Variants in LRRC37A2 observed in about 807,000 individuals in gnomAD.
LRRC37A2 encodes leucine-rich repeat-containing protein 37A2.
Under a neutral mutation model 68.8 loss-of-function variants are expected in LRRC37A2, and 9 were observed. The ratio of observed to expected loss-of-function variants is 0.13; its 90% confidence interval spans 0.08 to 0.23. The LOEUF is 0.23. LRRC37A2 is among the 10% of genes least tolerant of loss of function. LRRC37A2 has a pLI of 1.00. For missense variants in LRRC37A2, 168 were observed against 950.4 expected, an observed-to-expected ratio of 0.18 and a Z score of 10.82; for synonymous variants, 63 against 367.6, an observed-to-expected ratio of 0.17 and a Z score of 9.48.
the LRRC37A2 span, chr17:46,935,449 C>T: frequency 1.1e-5 from 16 of 1,401,936 alleles, no homozygotes; most frequent in Non-Finnish European, 1.8e-6. Context: ...GTGAGTGCTA[C>T]TACGAGGGGT....
At chr17:46,779,094 CACACACACA>C in the LRRC37A2 span, among the ~76,000 whole-genome samples, 4 of 148,404 alleles carry the variant, frequency 2.7e-5, no homozygotes, top group East Asian at 8.5e-4. Context: ...CACACACACA[CACACACACA>C]CCCCAGCCCA....
chr17:46,786,284 G>A, the LRRC37A2 span, among the ~76,000 whole-genome samples: 1 of 152,092 alleles, frequency 6.6e-6, no homozygotes, highest in Non-Finnish European at 1.5e-5. Context: ...GGAGAAGCGG[G>A]GGATGGAGGG....
chr17:46,728,714 T>C, the LRRC37A2 span: 2 of 456,756 alleles, frequency 4.4e-6, no homozygotes, highest in Non-Finnish European at 7.6e-6. Flanking sequence ...CTCTTTAAAT[T>C]TTTTTTTTCT....
At chr17:46,894,883 C>T in the LRRC37A2 span, among the ~76,000 whole-genome samples, 18 of 152,390 alleles carry the variant, frequency 1.2e-4, no homozygotes, top group African/African-American at 4.3e-4. Context: ...AATGGGCCTG[C>T]CCACAGCCAA....
the LRRC37A2 span, among the ~76,000 whole-genome samples, chr17:47,032,865 C>T: frequency 6.6e-6 from 1 of 152,194 alleles, no homozygotes; most frequent in Non-Finnish European, 1.5e-5. Context: ...CTTGCTTCTT[C>T]TGTTGTTCCT....
chr17:46,976,061 C>T, the LRRC37A2 span, among the ~76,000 whole-genome samples: 2 of 151,628 alleles, frequency 1.3e-5, no homozygotes, highest in East Asian at 2.0e-4. Context: ...CAAGTAGCTG[C>T]GACTACAGGT....
the LRRC37A2 span, among the ~76,000 whole-genome samples, chr17:46,962,604 C>T: frequency 6.6e-6 from 1 of 152,174 alleles, no homozygotes; most frequent in African/African-American, 2.4e-5. Context: ...TGTGGAGAAG[C>T]CACATGGAGG....
the LRRC37A2 span, among the ~76,000 whole-genome samples, chr17:46,852,067 C>T: frequency 1.3e-5 from 2 of 152,240 alleles, no homozygotes; most frequent in African/African-American, 4.8e-5. Flanking sequence ...TCTCTGATGC[C>T]CTCTCGGGAT....
At chr17:46,720,945 G>A in the LRRC37A2 span, among the ~76,000 whole-genome samples, 1 of 152,304 alleles carries the variant, frequency 6.6e-6, no homozygotes, top group South Asian at 2.1e-4. Flanking sequence ...GCTCCCATTT[G>A]CACTTGTGTA....
At chr17:46,916,162 C>T in the LRRC37A2 span, among the ~76,000 whole-genome samples, 7 of 152,220 alleles carry the variant, frequency 4.6e-5, no homozygotes, top group African/African-American at 1.4e-4. Flanking sequence ...GAAGTGGCCA[C>T]GCCTATCTTC....
chr17:46,875,044 C>T, the LRRC37A2 span: 1 of 1,613,126 alleles, frequency 6.2e-7, no homozygotes, highest in South Asian at 1.1e-5. Flanking sequence ...TCTAAGCTTC[C>T]TCCTTTCCTC....
At chr17:47,049,075 T>C in the LRRC37A2 span, 1 of 678,898 alleles carries the variant, frequency 1.5e-6, no homozygotes, top group Non-Finnish European at 2.6e-6. Flanking sequence ...TGGGTGTGTG[T>C]GTCTCCTCTC....
chr17:46,968,127 T>G, the LRRC37A2 span, among the ~76,000 whole-genome samples: 3 of 152,038 alleles, frequency 2.0e-5, no homozygotes, highest in Non-Finnish European at 4.4e-5. Flanking sequence ...CTCACTGCTG[T>G]TCCTTCTCTT....
At chr17:46,534,592 CTTCT>C (rs1179371462) in intron 6 of LRRC37A2, among the ~76,000 whole-genome samples, 2 of 148,064 alleles carry the variant, frequency 1.4e-5, no homozygotes, top group Non-Finnish European at 3.0e-5. Flanking sequence ...TCTATGTCTA[CTTCT>C]TTCTACACAG....
At chr17:46,982,604 C>G in the LRRC37A2 span, among the ~76,000 whole-genome samples, 28 of 152,230 alleles carry the variant, frequency 1.8e-4, no homozygotes, top group Non-Finnish European at 1.8e-4. Flanking sequence ...AGTTAAGCAT[C>G]AGAGCCAGAA....
chr17:46,876,840 A>G, the LRRC37A2 span: 7 of 1,434,690 alleles, frequency 4.9e-6, no homozygotes, highest in Non-Finnish European at 6.4e-6. Context: ...ATGTGTGCCA[A>G]TGCACACGAG....
the LRRC37A2 span, among the ~76,000 whole-genome samples, chr17:46,841,900 G>T: frequency 5.3e-5 from 8 of 152,232 alleles, no homozygotes; most frequent in African/African-American, 1.9e-4. Flanking sequence ...GCGGTGTGTG[G>T]GGGGGTCTCT....
the LRRC37A2 span, chr17:47,018,798 C>T: frequency 1.3e-6 from 2 of 1,521,130 alleles, no homozygotes; most frequent in Non-Finnish European, 1.8e-6. Context: ...ACCTCCAGAG[C>T]ATTCACCCCT....
the LRRC37A2 span, chr17:46,872,896 G>A: frequency 2.5e-6 from 3 of 1,187,082 alleles, no homozygotes; most frequent in Non-Finnish European, 3.4e-6. Flanking sequence ...TGCCCTTCCT[G>A]CCCTAGCACG....
Sources: allele counts gnomAD v4.1 joint callset (sites outside exome capture counted in the v4.1 genomes callset), GRCh38; gene constraint gnomAD v4.1.1; transcripts MANE v1.5; gene names NCBI Gene and HGNC (gene_info 2026-07-23, HGNC 2026-07-21).